The following ADCY9 variants were observed in gnomAD, a reference collection of about 807,000 sequenced individuals.
ADCY9 encodes the protein adenylate cyclase type 9.
A neutral mutation model predicts 101.5 loss-of-function variants in ADCY9; 50 were observed. The observed-to-expected ratio is 0.49, with a 90% CI of 0.39 to 0.62. The LOEUF is 0.62. ADCY9 is among the 20% of genes least tolerant of loss of function. The pLI, the probability that ADCY9 is intolerant of heterozygous loss-of-function variation, is 0.00. For synonymous variants in ADCY9, 905 were observed against 769.3 expected (o/e 1.18, Z -2.92); for missense variants, 1,662 against 1,800.4 (o/e 0.92, Z 1.39).
At chr16:4,000,694 G>A (rs910074978) in intron 3 of ADCY9, among the ~76,000 whole-genome samples, 1 of 151,880 alleles carries the variant, frequency 6.6e-6, no homozygotes, top group East Asian at 1.9e-4. Context: ...GGGCGGAGTC[G>A]AAAAGTCCCT....
intron 10 of ADCY9, among the ~76,000 whole-genome samples, chr16:3,969,580 ATAT>A (rs1567414779): frequency 1.2e-4 from 4 of 34,654 alleles, no homozygotes; most frequent in African/African-American, 6.9e-4. Flanking sequence ...ATATATATAT[ATAT>A]ATATATATAT....
In ADCY9 at chr16:4,115,458, G is replaced by T; in HGVS notation, c.-16C>A. The T allele has an allele frequency of 6.6e-7, 1 of 1,512,952 alleles. No homozygotes were observed. 93.7% of individuals were successfully genotyped at this position (1,512,952 alleles called of 1,614,324 possible). ...GGGAAGCCATGTTGTCGAGTCCCGG[G>T]GCCTGCCCCGGCCGGGGTCACCAGT... On this transcript the variant is annotated 5_prime_UTR_variant, in exon 2 of 11. Transcript: ENST00000294016. The surrounding 1 kb of genome is among the most constrained non-coding windows in gnomAD (Gnocchi z 6.2).
chr16:4,026,355 C>T (rs576616547), intron 2 of ADCY9, among the ~76,000 whole-genome samples: 10 of 141,588 alleles, frequency 7.1e-5, no homozygotes, highest in South Asian at 2.3e-4. Context: ...ACCCGGGAGG[C>T]GGACATTGCA....
intron 6 of ADCY9, 52 bp from the exon 7 acceptor site, chr16:3,983,492 G>C (rs1333238780): frequency 2.0e-6 from 3 of 1,484,778 alleles, no homozygotes; most frequent in East Asian, 4.8e-5. Flanking sequence ...GGGCGGCCAG[G>C]AGCGCAGTTC....
Position 4,085,344 on chromosome 16 carries a change from A to G in ADCY9, c.1693+28406T>C, listed in dbSNP as rs145122261. On this transcript the variant is annotated intron_variant, in intron 2 of 10. Transcript: ENST00000294016. ...ACCACTGCACTCCAGCCTGGGCGAC[A>G]GAGCAAGACTCTGCCTCAAAAATGA... Among the ~76,000 whole-genome samples, 252 of 152,254 alleles carry G rather than the reference A, an allele frequency of 1.7e-3. No homozygotes were observed. In the Middle Eastern group the frequency reaches 0.02, roughly 12 times the overall value.
At chr16:4,042,567 G>C (rs755558199) in intron 2 of ADCY9, among the ~76,000 whole-genome samples, 2 of 152,166 alleles carry the variant, frequency 1.3e-5, no homozygotes, top group African/African-American at 4.8e-5. Context: ...CAGAGGACCT[G>C]CATTCCATTC....
rs2056380439 is a variant in ADCY9 at position 4,008,219 on chromosome 16, G to A, written c.1694-661C>T. 4.0e-5 allele frequency among the ~76,000 whole-genome samples: 6 copies of A among 151,036 alleles called. 1 individual carries two copies. In the South Asian group the frequency reaches 1.1e-3, roughly 27 times the overall value. ...CCCGCATATAGAAAAAAAAAAAAAAGGTGGTCAAAAGGACACTTGACCTGT... is the reference window on the plus strand; with the variant it reads ...CCCGCATATAGAAAAAAAAAAAAAAAGTGGTCAAAAGGACACTTGACCTGT... On this transcript the variant is annotated intron_variant, in intron 2 of 10. Transcript: ENST00000294016.
Position 3,966,490 on chromosome 16 carries a change from G to T in ADCY9, c.3347C>A (p.Ala1116Glu). 6.2e-7 allele frequency: 1 copy of T among 1,614,056 alleles called. No homozygotes were observed. The highest frequency in any genetic ancestry group is 2.2e-5 in the East Asian group (1 of 44,882). ...KIKTIGATYM[A>E]ASGLNTAQAQ... is the part of the protein sequence containing the mutation. ...CTGCGCGGTGTTCAGCCCTGACGCC[G>T]CCATGTACGTGGCTCCGATGGTCTT... The change falls in exon 11 of 11, where the codon GCG becomes GAG. Residue 1116 changes from alanine (A) to glutamate (E), a missense_variant. Ala to Glu is a moderately radical substitution (Grantham distance 107). Transcript: ENST00000294016.
At chr16:4,019,279 G>T (rs1484591455) in intron 2 of ADCY9, among the ~76,000 whole-genome samples, 1 of 152,134 alleles carries the variant, frequency 6.6e-6, no homozygotes, top group Non-Finnish European at 1.5e-5. Flanking sequence ...ACCATGCCCA[G>T]ACTCAGGTAT....
chr16:4,062,230 C>T (rs1240376576), intron 2 of ADCY9, among the ~76,000 whole-genome samples: 1 of 151,988 alleles, frequency 6.6e-6, no homozygotes, highest in Non-Finnish European at 1.5e-5. Context: ...AGAGTAACCA[C>T]TAAAAATATA....
downstream of ADCY9, among the ~76,000 whole-genome samples, chr16:3,958,489 G>A (rs370422561): frequency 1.0e-4 from 15 of 146,378 alleles, no homozygotes; most frequent in East Asian, 1.9e-3. Context: ...GCAGTGAGCC[G>A]AGATCGCGCC....
At chr16:4,058,467 G>GAAAA (rs112044690) in intron 2 of ADCY9, among the ~76,000 whole-genome samples, 1 of 94,882 alleles carries the variant, frequency 1.1e-5, no homozygotes. Context: ...TTGTCTCCAA[G>GAAAA]AAAAAAAAAA....
chr16:4,033,875 G>C (rs1224379787), intron 2 of ADCY9, among the ~76,000 whole-genome samples: 1 of 152,190 alleles, frequency 6.6e-6, no homozygotes, highest in Non-Finnish European at 1.5e-5. Context: ...ACAGGGTTTT[G>C]AGGATTAAAT....
chr16:3,976,505 C>A lies in ADCY9; in HGVS notation c.2828+977G>T, dbSNP rs546359265. On this transcript the variant is annotated intron_variant, in intron 9 of 10. Transcript: ENST00000294016. The stretch of plus-strand genomic sequence containing the variant: ...CTGACTCCTGTTTCTGTGTCTGCGC[C>A]ATCCCATTCCTCAGCACCTACCAGT... Among the ~76,000 whole-genome samples the A allele has an allele frequency of 5.3e-5, 8 of 152,288 alleles. No individual in the cohort carries two copies. The South Asian group carries it at 1.7e-3, about 32-fold the overall frequency.
intron 3 of ADCY9, among the ~76,000 whole-genome samples, chr16:3,998,708 CAAAAAAAAA>C (rs1165056665): frequency 8.3e-4 from 3 of 3,600 alleles, no homozygotes; most frequent in East Asian, 7.9e-3. Flanking sequence ...AACTCTGTCT[CAAAAAAAAA>C]AAAAAAAAAA....
chr16:4,056,323 C>G (rs764017491), intron 2 of ADCY9, among the ~76,000 whole-genome samples: 1 of 152,206 alleles, frequency 6.6e-6, no homozygotes, highest in Non-Finnish European at 1.5e-5. Flanking sequence ...GATGCAATCT[C>G]AGCTCACTGT....
rs144474575 is a variant in ADCY9 at position 4,086,820 on chromosome 16, C to T, written c.1693+26930G>A. Among the ~76,000 whole-genome samples the T allele has an allele frequency of 8.4e-3, 1,279 of 152,052 alleles. 15 individuals carry two copies. The highest frequency in any genetic ancestry group is 0.029 in the African/African-American group (1,187 of 41,514). On this transcript the variant is annotated intron_variant, in intron 2 of 10. Coordinates refer to ENST00000294016, the MANE Select transcript of ADCY9 (RefSeq NM_001116.4). ...AATTACAGGCATGCGCCACCACGCC[C>T]GGCTAATTTTTGTATTTTTAGTAGA...
chr16:3,970,086 C>A, intron 10 of ADCY9, among the ~76,000 whole-genome samples: 1 of 152,114 alleles, frequency 6.6e-6, no homozygotes, highest in East Asian at 1.9e-4. Context: ...GCATTCCTCC[C>A]GCGCACAGAG....
Position 4,114,598 on chromosome 16 carries a change from A to C in ADCY9, c.845T>G (p.Leu282Arg). The C allele has an allele frequency of 6.2e-7, 1 of 1,613,856 alleles. No homozygotes were observed. The highest frequency in any genetic ancestry group is 1.1e-5 in the South Asian group (1 of 91,090). The change falls in exon 2 of 11, where the codon CTG (leucine) becomes CGG (arginine). Residue 282 changes from leucine to arginine, a missense_variant. Around this residue, in one of 5 missense-constraint regions of ADCY9, gnomAD observed 422 missense variants for 392.0 expected, o/e 1.08. Transcript: ENST00000294016. The surrounding 1 kb of genome is among the most constrained non-coding windows in gnomAD (Gnocchi z 4.3). Reference protein sequence around the residue: ...PGAGALHWELLSRGLLHGCIH... With the variant: ...PGAGALHWELRSRGLLHGCIH... ...GCAGCCGTGGAGCAGCCCCCTGCTCAGCAGCTCCCAGTGCAGGGCCCCGGC... is the reference window on the plus strand; with the variant it reads ...GCAGCCGTGGAGCAGCCCCCTGCTCCGCAGCTCCCAGTGCAGGGCCCCGGC...
Sources: gnomAD v4.1 joint callset for allele counts (sites outside exome capture counted in the v4.1 genomes callset) on GRCh38, gnomAD v4.1.1 for gene constraint, gnomAD v4.1.1 regional missense constraint, Gnocchi (gnomAD v3.1) non-coding constraint, MANE v1.5 for transcripts, NCBI Gene and HGNC (gene_info 2026-07-23, HGNC 2026-07-21) for gene names.